RAP1GDS1: variants seen among roughly 807,000 people sequenced by gnomAD.
The protein encoded by RAP1GDS1 is Rap1 GTPase-GDP dissociation stimulator 1.
Under a neutral mutation model 71.1 loss-of-function variants are expected in RAP1GDS1, and 35 were observed. The observed-to-expected ratio is 0.49, with a 90% CI of 0.38 to 0.65. RAP1GDS1 has a LOEUF of 0.65. Ranked by LOEUF, RAP1GDS1 falls within the 30% of genes least tolerant of loss-of-function variation. The probability of loss-of-function intolerance (pLI) is 0.00; values close to 1 mark genes in which losing one functional copy is unlikely to be tolerated. For missense variants in RAP1GDS1, 663 were observed against 706.1 expected (o/e 0.94, Z 0.69); for synonymous variants, 229 against 243.1 (o/e 0.94, Z 0.54).
intron 4 of RAP1GDS1, among the ~76,000 whole-genome samples, chr4:98,376,841 A>C (rs1297910310): frequency 6.6e-6 from 1 of 151,964 alleles, no homozygotes; most frequent in Non-Finnish European, 1.5e-5. Flanking sequence ...GACAATTCAG[A>C]GGAGGGGGGT....
At chr4:98,416,021 A>G (rs568532959) in intron 7 of RAP1GDS1, among the ~76,000 whole-genome samples, 6 of 152,202 alleles carry the variant, frequency 3.9e-5, no homozygotes, top group East Asian at 3.9e-4. Context: ...GCCTCAAGCA[A>G]TCTTCCTGCC....
chr4:98,386,508 G>A (rs534877257), intron 5 of RAP1GDS1, among the ~76,000 whole-genome samples: 10 of 150,396 alleles, frequency 6.6e-5, no homozygotes, highest in Non-Finnish European at 1.3e-4. Flanking sequence ...ATTTGTTAGC[G>A]ACTAGGAAGA....
chr4:98,324,321 A>C (rs530772299), intron 2 of RAP1GDS1, among the ~76,000 whole-genome samples: 1 of 152,136 alleles, frequency 6.6e-6, no homozygotes, highest in South Asian at 2.1e-4. Context: ...GGAAGAATCA[A>C]TATCGTGAAA....
intron 2 of RAP1GDS1, among the ~76,000 whole-genome samples, chr4:98,294,553 G>C (rs1389508367): frequency 6.6e-6 from 1 of 152,028 alleles, no homozygotes; most frequent in Non-Finnish European, 1.5e-5. Context: ...AGAGCATCCA[G>C]ATAAGGCTCA....
chr4:98,356,808 T>G (rs1738042672), intron 4 of RAP1GDS1, among the ~76,000 whole-genome samples: 1 of 151,972 alleles, frequency 6.6e-6, no homozygotes, highest in Admixed American at 6.6e-5. Flanking sequence ...TAGTAATCAG[T>G]CTTGCCAAAG....
chr4:98,337,646 G>C (rs745608805), intron 2 of RAP1GDS1, among the ~76,000 whole-genome samples: 2 of 152,178 alleles, frequency 1.3e-5, no homozygotes, highest in Non-Finnish European at 2.9e-5. Flanking sequence ...ATGGAAGTCA[G>C]ATAACATTAA....
intron 6 of RAP1GDS1, among the ~76,000 whole-genome samples, chr4:98,395,241 G>T (rs984219598): frequency 6.6e-6 from 1 of 151,950 alleles, no homozygotes; most frequent in African/African-American, 2.4e-5. Context: ...ATATATAATA[G>T]GCATAGCTTG....
At chr4:98,396,490 A>G (rs979807898) in intron 6 of RAP1GDS1, 2 of 152,150 alleles carry the variant, frequency 1.3e-5, no homozygotes, top group Admixed American at 1.3e-4. Flanking sequence ...TGCGTAGACC[A>G]CCTCTATTCA....
chr4:98,325,902 C>G (rs1243023453), intron 2 of RAP1GDS1, among the ~76,000 whole-genome samples: 2 of 111,276 alleles, frequency 1.8e-5, no homozygotes, highest in South Asian at 3.6e-4. Context: ...TGCACATGTA[C>G]CCTAAAACTT....
intron 3 of RAP1GDS1, among the ~76,000 whole-genome samples, chr4:98,352,164 A>G (rs774787417): frequency 6.6e-6 from 1 of 152,080 alleles, no homozygotes; most frequent in East Asian, 1.9e-4. Context: ...CTTCCAAAGC[A>G]TATCGTTATT....
chr4:98,427,448 CTG>C (rs1411919417), intron 12 of RAP1GDS1, among the ~76,000 whole-genome samples: 3 of 151,962 alleles, frequency 2.0e-5, no homozygotes, highest in Admixed American at 1.3e-4. Context: ...GATGATATGA[CTG>C]TATACCTAGA....
At chr4:98,388,253 A>G (rs3756088) in intron 5 of RAP1GDS1, among the ~76,000 whole-genome samples, 109,351 of 152,110 alleles carry the variant, frequency 0.72, 40,859 homozygotes, top group African/African-American at 0.93. Flanking sequence ...TCAAATAAGC[A>G]TGATGAGATG....
chr4:98,291,262 A>G (rs1024079022), intron 1 of RAP1GDS1, among the ~76,000 whole-genome samples: 4 of 152,150 alleles, frequency 2.6e-5, no homozygotes, highest in Admixed American at 2.6e-4. Context: ...GATGTCACAT[A>G]TTTCACAAGA....
intron 6 of RAP1GDS1, among the ~76,000 whole-genome samples, chr4:98,403,274 T>C (rs1215639141): frequency 1.3e-5 from 2 of 152,068 alleles, no homozygotes; most frequent in South Asian, 2.1e-4. Context: ...AAGAAACTTG[T>C]AGAAAAATTA....
intron 2 of RAP1GDS1, among the ~76,000 whole-genome samples, chr4:98,337,573 G>T (rs1734883981): frequency 6.6e-6 from 1 of 152,122 alleles, no homozygotes; most frequent in Admixed American, 6.5e-5. Context: ...AGAGATTAAT[G>T]TGTTTGAAAG....
At chr4:98,290,834 A>G (rs1726812366) in intron 1 of RAP1GDS1, among the ~76,000 whole-genome samples, 1 of 152,116 alleles carries the variant, frequency 6.6e-6, no homozygotes, top group African/African-American at 2.4e-5. Flanking sequence ...CCAGCTGAAT[A>G]AAAGAAGGGA....
chr4:98,329,614 C>T (rs1182971465), intron 2 of RAP1GDS1, among the ~76,000 whole-genome samples: 1 of 151,932 alleles, frequency 6.6e-6, no homozygotes, highest in African/African-American at 2.4e-5. Context: ...ATAGTGAAAC[C>T]TCATCTCTAC....
At chr4:98,411,711 A>G (rs890467946) in intron 7 of RAP1GDS1, among the ~76,000 whole-genome samples, 2 of 152,196 alleles carry the variant, frequency 1.3e-5, no homozygotes, top group Admixed American at 1.3e-4. Context: ...ATAATTGCAC[A>G]ATGGATAGGA....
At chr4:98,346,765 C>T (rs752991125) in intron 3 of RAP1GDS1, among the ~76,000 whole-genome samples, 3 of 152,028 alleles carry the variant, frequency 2.0e-5, no homozygotes, top group Non-Finnish European at 2.9e-5. Flanking sequence ...AGGCTGGTCT[C>T]GAACTCCTGA....
Sources: gnomAD v4.1 joint callset for allele counts (sites outside exome capture counted in the v4.1 genomes callset) on GRCh38, gnomAD v4.1.1 for gene constraint, MANE v1.5 for transcripts, NCBI Gene and HGNC (gene_info 2026-07-23, HGNC 2026-07-21) for gene names.